Variants in SEPTIN5 observed in about 807,000 individuals in gnomAD.
The protein encoded by SEPTIN5 is septin 5.
Under a neutral mutation model 51.2 loss-of-function variants are expected in SEPTIN5, and 16 were observed. That is an observed-to-expected ratio of 0.31 (90% confidence interval 0.21 to 0.47). The LOEUF (loss-of-function observed/expected upper bound fraction) is 0.47. Ranked by LOEUF, SEPTIN5 falls within the 20% of genes least tolerant of loss-of-function variation. The pLI is 0.99. For synonymous variants in SEPTIN5, 208 were observed against 191.2 expected, an observed-to-expected ratio of 1.09 and a Z score of -0.72; for missense variants, 376 against 500.3, an observed-to-expected ratio of 0.75 and a Z score of 2.37.
chr22:19,718,937 C>T lies in SEPTIN5; in HGVS notation c.55-665C>T, dbSNP rs145126962. On this transcript the variant is annotated intron_variant, in intron 2 of 11. Coordinates refer to ENST00000455784, the MANE Select transcript of SEPTIN5 (RefSeq NM_002688.6). ...AGCGCCTAGGCTCAGCCCTTCCCTCCGCAGCGGCCTCGCAGGTCCGCGGCC... is the reference window on the plus strand; with the variant it reads ...AGCGCCTAGGCTCAGCCCTTCCCTCTGCAGCGGCCTCGCAGGTCCGCGGCC... 3,363 of 1,054,734 alleles carry T rather than the reference C, an allele frequency of 3.2e-3. 65 individuals are homozygous for T. The African/African-American group carries it at 0.049, about 15-fold the overall frequency. The allele number at this position is 1,054,734 out of a possible 1,614,324, so 65.3% of individuals were successfully genotyped here. A position where few individuals can be genotyped will look rare whatever the true frequency, so the allele number is the denominator to read the frequency against.
intron 4 of SEPTIN5, 42 bp from the exon 5 acceptor site, chr22:19,720,073 C>A: frequency 6.2e-7 from 1 of 1,612,092 alleles, no homozygotes; most frequent in South Asian, 1.1e-5. Flanking sequence ...GGGTGAGGGG[C>A]TGAGGGTTGG....
At position 19,721,594 on chromosome 22, in the gene SEPTIN5, G is replaced by A. The variant is rs746476525; in HGVS notation, c.718-46G>A. On this transcript the variant is annotated intron_variant, in intron 8 of 11. Transcript: ENST00000455784. ...ATGCCCGTTTCCCATCAGTAACCGTGCAATTACGCTCACCGGGTGTGAGCC... is the reference window on the plus strand; with the variant it reads ...ATGCCCGTTTCCCATCAGTAACCGTACAATTACGCTCACCGGGTGTGAGCC... 17 of 1,602,234 alleles carry A rather than the reference G, an allele frequency of 1.1e-5. No homozygotes were observed. In the African/African-American group the frequency reaches 1.5e-4, roughly 14 times the overall value.
At position 19,723,095 on chromosome 22, in the gene SEPTIN5, G is replaced by A; in HGVS notation, c.*611G>A. 3.7e-6 allele frequency: 2 copies of A among 535,316 alleles called. No individual in the cohort carries two copies. The highest frequency in any genetic ancestry group is 3.9e-5 in the East Asian group (1 of 25,878). 33.2% of individuals were successfully genotyped at this position (535,316 alleles called of 1,614,324 possible). A position where few individuals can be genotyped will look rare whatever the true frequency, so the allele number is the denominator to read the frequency against. On this transcript the variant is annotated 3_prime_UTR_variant, in exon 12 of 12. Coordinates refer to ENST00000455784, the MANE Select transcript of SEPTIN5 (RefSeq NM_002688.6). ...GCCCGGCCCGACCTGGAGGGCCCCC[G>A]GGGCACTGGGCGGTGAGCCACCTCC...
intron 2 of SEPTIN5, among the ~76,000 whole-genome samples, chr22:19,715,902 G>T (rs1935905204): frequency 6.6e-6 from 1 of 152,200 alleles, no homozygotes; most frequent in South Asian, 2.1e-4. Context: ...GAGATGCAGG[G>T]ACACATGCGT....
intron 2 of SEPTIN5, among the ~76,000 whole-genome samples, chr22:19,715,603 G>T (rs1935901574): frequency 6.6e-6 from 1 of 152,220 alleles, no homozygotes; most frequent in South Asian, 2.1e-4. Context: ...GAGGAAAAAA[G>T]AAGAGCCCAA....
At chr22:19,720,898 G>A (rs375076041) in intron 8 of SEPTIN5, 29 bp downstream of exon 8, 3 of 1,584,450 alleles carry the variant, frequency 1.9e-6, no homozygotes, top group East Asian at 2.2e-5. Flanking sequence ...GGGGCAGGGG[G>A]GATGGAGCTG....
At position 19,722,434 on chromosome 22, in the gene SEPTIN5, C is replaced by T. The variant is rs755236328; in HGVS notation, c.1060C>T (p.Arg354Cys). ...GGGTTGTCTCCGCCCGCAGCTGAGGCGCATGCAGGAGATGCTGCAGAGGAT... is the reference window on the plus strand; with the variant it reads ...GGGTTGTCTCCGCCCGCAGCTGAGGTGCATGCAGGAGATGCTGCAGAGGAT... ...LIRMKDEELR[R>C]MQEMLQRMKQ... The change falls in exon 12 of 12, where the codon CGC becomes TGC. Residue 354 changes from arginine (R) to cysteine (C), a missense_variant. Physicochemically the swap from Arg to Cys is radical, Grantham distance 180. Around this residue, in one of 2 missense-constraint regions of SEPTIN5, gnomAD observed 89 missense variants for 83.3 expected, o/e 1.07. Transcript: ENST00000455784. 2.5e-6 allele frequency: 4 copies of T among 1,601,718 alleles called. No homozygotes were observed. The highest frequency in any genetic ancestry group is 2.2e-5 in the South Asian group (2 of 89,548).
At chr22:19,722,005 A>G (rs1936048583) in intron 10 of SEPTIN5, 48 bp downstream of exon 10, 1 of 1,573,802 alleles carries the variant, frequency 6.4e-7, no homozygotes, top group Non-Finnish European at 8.6e-7. Context: ...GGCCCCGCCC[A>G]CGTCTCCATA....
Position 19,720,158 on chromosome 22 carries a change from C to T in SEPTIN5, c.282C>T (p.Asp94=), listed in dbSNP as rs1432359147. The T allele has an allele frequency of 3.7e-6, 6 of 1,613,294 alleles. No homozygotes were observed. Among genetic ancestry groups the T allele is most frequent in the African/African-American group, 1.3e-5 (1 of 74,936 alleles). The change falls in exon 5 of 12, where the codon GAC becomes GAT. Residue 94 remains aspartate (D), a synonymous_variant. Coordinates refer to ENST00000455784, the MANE Select transcript of SEPTIN5 (RefSeq NM_002688.6). ...QTVEILKHTV[D]IEEKGVKLKL... is the part of the protein sequence containing the mutation. Reference sequence around the variant, plus strand: ...TAGAGATTCTAAAACACACGGTGGACATTGAGGAGAAGGGAGTCAAGCTGA... The same window carrying T: ...TAGAGATTCTAAAACACACGGTGGATATTGAGGAGAAGGGAGTCAAGCTGA...
intron 8 of SEPTIN5, among the ~76,000 whole-genome samples, chr22:19,721,237 C>G (rs990558561): frequency 1.3e-5 from 2 of 152,254 alleles, no homozygotes; most frequent in African/African-American, 4.8e-5. Context: ...GATTTCTGAG[C>G]TCCAGGGTTG....
chr22:19,718,049 TG>T (rs1247766112), intron 2 of SEPTIN5: 2 of 152,218 alleles, frequency 1.3e-5, no homozygotes, highest in Non-Finnish European at 2.9e-5. Flanking sequence ...CGGGCAAGTC[TG>T]CGAGAAGACG....
In SEPTIN5 at chr22:19,722,353, CG is replaced by C. The variant is rs1271073347; in HGVS notation, c.1053+19del. 1 of 1,602,476 alleles carries C rather than the reference CG, an allele frequency of 6.2e-7. No homozygotes were observed. On this transcript the variant is annotated intron_variant, in intron 11 of 11. Coordinates refer to ENST00000455784, the MANE Select transcript of SEPTIN5 (RefSeq NM_002688.6). ...AAGGATGAGGAAGTATGTGGGGCGG[CG>C]GGGGCGGCGGAGGCGGGCGTCAGGG...
intron 2 of SEPTIN5, chr22:19,717,624 T>C (rs1245715257): frequency 3.3e-6 from 1 of 305,952 alleles, no homozygotes. Context: ...GGACCTCCAG[T>C]ACTCCGGCAG....
chr22:19,718,732 G>A (rs1460889118), intron 2 of SEPTIN5: 1 of 1,243,294 alleles, frequency 8.0e-7, no homozygotes, highest in Non-Finnish European at 1.0e-6. Flanking sequence ...TGGGGGGGTC[G>A]CCGCGATGGA....
At chr22:19,716,771 T>C (rs1488148453) in intron 2 of SEPTIN5, among the ~76,000 whole-genome samples, 1 of 152,072 alleles carries the variant, frequency 6.6e-6, no homozygotes, top group Non-Finnish European at 1.5e-5. Context: ...AGCCACACAC[T>C]CTGTTAGACA....
Position 19,723,259 on chromosome 22 carries a change from T to C in SEPTIN5, c.*775T>C, listed in dbSNP as rs752921929. ...CCTTCCCGCCACACGATGCTCCGTT[T>C]TCTTCCGTTGTGAATGCCGCGTCCT... On this transcript the variant is annotated 3_prime_UTR_variant, in exon 12 of 12. Coordinates refer to ENST00000455784, the MANE Select transcript of SEPTIN5 (RefSeq NM_002688.6). 11 of 678,134 alleles carry C rather than the reference T, an allele frequency of 1.6e-5. No individual in the cohort carries two copies. The South Asian group carries it at 1.7e-4, about 10-fold the overall frequency. The allele number at this position is 678,134 out of a possible 1,614,324, so 42.0% of individuals were successfully genotyped here.
At chr22:19,717,730 C>G in intron 2 of SEPTIN5, 4 of 257,792 alleles carry the variant, frequency 1.6e-5, no homozygotes, top group South Asian at 1.5e-4. Context: ...GCTCTGCCCT[C>G]CTCCGGTCCC....
intron 8 of SEPTIN5, 86 bp downstream of exon 8, chr22:19,720,955 C>T (rs1365610620): frequency 1.6e-6 from 2 of 1,238,462 alleles, no homozygotes; most frequent in East Asian, 4.7e-5. Context: ...ATTGAGCCTG[C>T]TGGAGGAGGG....
chr22:19,719,002 C>G (rs1935966322), intron 2 of SEPTIN5: 2 of 569,910 alleles, frequency 3.5e-6, no homozygotes, highest in South Asian at 9.4e-5. Context: ...CCTCACCTCA[C>G]GCGACTCCAA....
Sources: gnomAD v4.1 joint callset for allele counts (sites outside exome capture counted in the v4.1 genomes callset) on GRCh38, gnomAD v4.1.1 for gene constraint, gnomAD v4.1.1 regional missense constraint, MANE v1.5 for transcripts, NCBI Gene and HGNC (gene_info 2026-07-23, HGNC 2026-07-21) for gene names.